Variants in ZBED4 observed in about 807,000 individuals in gnomAD.
The protein encoded by ZBED4 is zinc finger BED domain-containing protein 4.
In ZBED4, 4 loss-of-function variants were observed where a neutral mutation model predicts 15.5. The ratio of observed to expected loss-of-function variants is 0.26; its 90% CI spans 0.13 to 0.59. The LOEUF (loss-of-function observed/expected upper bound fraction) is 0.59, where lower values mean the gene tolerates loss of function less well. Among genes scored for constraint, ZBED4 ranks in the 20% least tolerant of loss-of-function variants. The pLI, the probability that ZBED4 is intolerant of heterozygous loss-of-function variation, is 0.90. For missense variants in ZBED4, 1,323 were observed against 1,461.8 expected (o/e 0.91, Z 1.55); for synonymous variants, 692 against 608.5 (o/e 1.14, Z -2.02).
Position 49,882,238 on chromosome 22 carries a change from C to T in ZBED4, c.-329-1096C>T, listed in dbSNP as rs1176097927. 2.0e-5 allele frequency among the ~76,000 whole-genome samples: 3 copies of T among 152,198 alleles called. No homozygotes were observed. The East Asian group carries it at 5.8e-4, about 29-fold the overall frequency. On this transcript the variant is annotated intron_variant, in intron 1 of 1. Transcript: ENST00000216268. ...CTTGAAGAGTTCTCCCACTTTCTGG[C>T]ATGCCCAGTAATACTTTAAAAAGTA...
At chr22:49,853,426 G>C (rs2060259627), upstream of ZBED4, 1 of 152,306 alleles carries the variant, frequency 6.6e-6, no homozygotes, top group African/African-American at 2.4e-5. Flanking sequence ...CCAGGTAAGG[G>C]GGTTCGGGGC....
chr22:49,861,368 TTGGCTGCAAATGATC>T (rs1200017923), intron 1 of ZBED4, among the ~76,000 whole-genome samples: 1 of 152,168 alleles, frequency 6.6e-6, no homozygotes, highest in Non-Finnish European at 1.5e-5. Context: ...CCTCAAACTC[TTGGCTGCAAATGATC>T]TGCCTGCCTC....
intron 1 of ZBED4, among the ~76,000 whole-genome samples, chr22:49,881,643 C>T (rs907700806): frequency 6.6e-6 from 1 of 152,186 alleles, no homozygotes; most frequent in African/African-American, 2.4e-5. Flanking sequence ...CTCCTGAGTT[C>T]CTGAGTAGCT....
At chr22:49,879,100 G>A (rs113473197) in intron 1 of ZBED4, among the ~76,000 whole-genome samples, 11,881 of 149,620 alleles carry the variant, frequency 0.079, 564 homozygotes, top group South Asian at 0.17. Flanking sequence ...AGCCGAGATC[G>A]CGCCACTGCA....
At chr22:49,859,011 A>AC (rs2060286376) in intron 1 of ZBED4, among the ~76,000 whole-genome samples, 2 of 151,674 alleles carry the variant, frequency 1.3e-5, no homozygotes, top group Admixed American at 6.6e-5. Context: ...CTGGCCCTTT[A>AC]AATTGTGTCC....
At chr22:49,853,779 C>G (rs1381778112), upstream of ZBED4, 3 of 148,118 alleles carry the variant, frequency 2.0e-5, no homozygotes, top group Non-Finnish European at 4.5e-5. Flanking sequence ...AGAGTAGGCC[C>G]CGCCCCCGAT....
upstream of ZBED4, chr22:49,853,403 A>G (rs2060259544): frequency 6.6e-6 from 1 of 152,092 alleles, no homozygotes; most frequent in Admixed American, 6.5e-5. Flanking sequence ...CACCGCACTG[A>G]GCGGCCTCTG....
intron 1 of ZBED4, among the ~76,000 whole-genome samples, chr22:49,862,240 T>G (rs1298942640): frequency 1.3e-5 from 2 of 152,142 alleles, no homozygotes; most frequent in African/African-American, 4.8e-5. Context: ...CCCCAACGCT[T>G]CTGCCGCAAA....
chr22:49,865,166 C>T (rs1336057026), intron 1 of ZBED4, among the ~76,000 whole-genome samples: 1 of 152,116 alleles, frequency 6.6e-6, no homozygotes, highest in Admixed American at 6.6e-5. Flanking sequence ...CACTCCGAGG[C>T]TGCAACTCTG....
At chr22:49,877,893 G>A (rs907918091) in intron 1 of ZBED4, among the ~76,000 whole-genome samples, 4 of 152,128 alleles carry the variant, frequency 2.6e-5, no homozygotes, top group South Asian at 2.1e-4. Flanking sequence ...TCCGTGTTGC[G>A]TGTATCCATT....
chr22:49,869,852 C>T (rs2060338630), intron 1 of ZBED4, among the ~76,000 whole-genome samples: 1 of 152,170 alleles, frequency 6.6e-6, no homozygotes, highest in South Asian at 2.1e-4. Context: ...GGCACATGTG[C>T]AGGTTCACGA....
At chr22:49,866,485 T>TCCAAA (rs2060322874) in intron 1 of ZBED4, among the ~76,000 whole-genome samples, 2 of 152,310 alleles carry the variant, frequency 1.3e-5, no homozygotes, top group Admixed American at 1.3e-4. Flanking sequence ...GTCTTCATTC[T>TCCAAA]TGAAGTCATA....
chr22:49,867,683 A>C (rs1304057602), intron 1 of ZBED4, among the ~76,000 whole-genome samples: 1 of 152,166 alleles, frequency 6.6e-6, no homozygotes. Flanking sequence ...GGTGTATCAC[A>C]CGCTTGATGA....
At position 49,884,983 on chromosome 22, in the gene ZBED4, T is replaced by C. The variant is rs544082416; in HGVS notation, c.1321T>C (p.Phe441Leu). 6 of 1,613,598 alleles carry C rather than the reference T, an allele frequency of 3.7e-6. No homozygotes were observed. In the South Asian group the frequency reaches 6.6e-5, roughly 18 times the overall value. ...GGCTGATGGGCTGAGTCCTAGATTGTTTGAATCTGGCGCCATCTTCCAGCA... is the reference window on the plus strand; with the variant it reads ...GGCTGATGGGCTGAGTCCTAGATTGCTTGAATCTGGCGCCATCTTCCAGCA... ...QQADGLSPRL[F>L]ESGAIFQQNK... is the part of the protein sequence containing the mutation. Residue 441 changes from phenylalanine (F) to leucine (L), a missense_variant, in exon 2 of 2, where the codon TTT becomes CTT. Physicochemically the swap from Phe to Leu is conservative, Grantham distance 22 (BLOSUM62 0). Around this residue, in one of 6 missense-constraint regions of ZBED4, gnomAD observed 429 missense variants for 397.9 expected, o/e 1.08. Coordinates refer to ENST00000216268, the MANE Select transcript of ZBED4 (RefSeq NM_014838.3).
rs1555922815 is a variant in ZBED4 at position 49,864,950 on chromosome 22, C to CTCCG, written c.-330+10961_-330+10962insTCCG. On this transcript the variant is annotated intron_variant, in intron 1 of 1. Coordinates refer to ENST00000216268, the MANE Select transcript of ZBED4 (RefSeq NM_014838.3). ...CTATCCCAGCAAGCCCCCCCCCCCC[C>CTCCG]CCGTGAAGTCAGAAACCACGGAGTC... is the stretch of plus-strand genomic sequence containing the variant. Among the ~76,000 whole-genome samples the CTCCG allele has an allele frequency of 1.7e-4, 13 of 74,750 alleles. 1 individual carries two copies. The highest frequency in any genetic ancestry group is 3.4e-4 in the African/African-American group (2 of 5,880). The allele number at this position is 74,750 out of a possible 152,430, so 49.0% of individuals were successfully genotyped here.
chr22:49,885,387 A>C lies in ZBED4; in HGVS notation c.1725A>C (p.Thr575=). ...TTTCTATTTGCTCCGCAGACTCCACAAAAGTCGTGTGCTTGCACTGTGGCC... is the reference window on the plus strand; with the variant it reads ...TTTCTATTTGCTCCGCAGACTCCACCAAAGTCGTGTGCTTGCACTGTGGCC... ...NHFSICSADS[T]KVVCLHCGRT... is the part of the protein sequence containing the mutation. Residue 575 remains threonine (T), a synonymous_variant, in exon 2 of 2, where the codon ACA becomes ACC. Transcript: ENST00000216268. 6.3e-7 allele frequency: 1 copy of C among 1,596,276 alleles called. No individual in the cohort carries two copies. Among genetic ancestry groups the C allele is most frequent in the Non-Finnish European group, 8.6e-7 (1 of 1,167,528 alleles).
Position 49,886,620 on chromosome 22 carries a change from G to T in ZBED4, c.2958G>T (p.Lys986Asn). The change falls in exon 2 of 2, where the codon AAG (lysine) becomes AAT (asparagine). Residue 986 changes from lysine to asparagine, a missense_variant. Physicochemically the swap from Lys to Asn is moderately conservative, Grantham distance 94. Transcript: ENST00000216268. This position sits in a 1 kb window ranked among gnomAD's most constrained non-coding sequence, Gnocchi z 7.7. The stretch of plus-strand genomic sequence containing the variant: ...TCGACACCATGCTGCGCTCTCTGAA[G>T]GAGGCCATGGTGAGCCGCCTGTCTG... ...MGIDTMLRSL[K>N]EAMVSRLSAT... is the part of the protein sequence containing the mutation. 1 of 1,579,062 alleles carries T rather than the reference G, an allele frequency of 6.3e-7. No homozygotes were observed. Among genetic ancestry groups the T allele is most frequent in the Non-Finnish European group, 8.6e-7 (1 of 1,163,460 alleles).
At chr22:49,855,185 T>C (rs1601778812) in intron 1 of ZBED4, among the ~76,000 whole-genome samples, 1 of 152,172 alleles carries the variant, frequency 6.6e-6, no homozygotes, top group South Asian at 2.1e-4. Context: ...CTTGTCATGA[T>C]TGGCTTTTTT....
At chr22:49,868,217 C>A (rs2060330586) in intron 1 of ZBED4, among the ~76,000 whole-genome samples, 1 of 152,140 alleles carries the variant, frequency 6.6e-6, no homozygotes, top group Admixed American at 6.5e-5. Context: ...TTTTACTGTT[C>A]TAGTTTTCCT....
Sources: gnomAD v4.1 joint callset for allele counts (sites outside exome capture counted in the v4.1 genomes callset) on GRCh38, gnomAD v4.1.1 for gene constraint, gnomAD v4.1.1 regional missense constraint, Gnocchi (gnomAD v3.1) non-coding constraint, MANE v1.5 for transcripts, NCBI Gene and HGNC (gene_info 2026-07-23, HGNC 2026-07-21) for gene names.